SHISAL2A: variants seen among roughly 807,000 people sequenced by gnomAD.
The protein encoded by SHISAL2A is shisa like 2A, also known as protein shisa-like-2A.
In SHISAL2A, 18 loss-of-function variants were observed where a neutral mutation model predicts 11.5. The observed-to-expected ratio is 1.57, with a 90% CI of 1.08 to 2.33. The LOEUF is 2.33. SHISAL2A is among the 30% of genes most tolerant of loss of function. The pLI is 0.00. For synonymous variants in SHISAL2A, 94 were observed against 99.6 expected, an observed-to-expected ratio of 0.94 and a Z score of 0.34; for missense variants, 261 against 250.9, an observed-to-expected ratio of 1.04 and a Z score of -0.27.
At chr1:52,658,021 G>C (rs151221628), downstream of SHISAL2A, among the ~76,000 whole-genome samples, 1 of 148,920 alleles carries the variant, frequency 6.7e-6, no homozygotes, top group Non-Finnish European at 1.5e-5. Context: ...AACTCACTTC[G>C]TAAACATTAA....
At chr1:52,661,545 C>A (rs1261985503), downstream of SHISAL2A, among the ~76,000 whole-genome samples, 1 of 152,178 alleles carries the variant, frequency 6.6e-6, no homozygotes, top group Non-Finnish European at 1.5e-5. Context: ...CAGGAGAGCT[C>A]CATGCCTTGC....
At chr1:52,646,542 A>G (rs1691505896) in intron 2 of SHISAL2A, among the ~76,000 whole-genome samples, 1 of 149,074 alleles carries the variant, frequency 6.7e-6, no homozygotes, top group South Asian at 2.1e-4. Context: ...TAGTCCTCAT[A>G]TTCTCCAATT....
downstream of SHISAL2A, among the ~76,000 whole-genome samples, chr1:52,661,886 A>G (rs1426777812): frequency 6.6e-6 from 1 of 152,072 alleles, no homozygotes; most frequent in Non-Finnish European, 1.5e-5. Flanking sequence ...ACAAAAAATT[A>G]GCCAGGCATG....
chr1:52,657,215 A>G (rs1221938525), downstream of SHISAL2A: 2 of 841,778 alleles, frequency 2.4e-6, no homozygotes, highest in East Asian at 2.7e-5. Flanking sequence ...GGGCCAAAGA[A>G]CTTTGACATG....
chr1:52,655,397 A>G (rs184653450), intron 2 of SHISAL2A, among the ~76,000 whole-genome samples: 17 of 150,080 alleles, frequency 1.1e-4, no homozygotes, highest in African/African-American at 4.2e-4. Flanking sequence ...CAGGAGGATA[A>G]CTTGAGCCCA....
chr1:52,658,805 G>C (rs1057430563), downstream of SHISAL2A, among the ~76,000 whole-genome samples: 1 of 152,238 alleles, frequency 6.6e-6, no homozygotes, highest in African/African-American at 2.4e-5. Flanking sequence ...TGGAGACGCA[G>C]CTCAGCAGCC....
intron 1 of SHISAL2A, among the ~76,000 whole-genome samples, chr1:52,640,804 T>G (rs1230888001): frequency 6.6e-6 from 1 of 152,078 alleles, no homozygotes; most frequent in Non-Finnish European, 1.5e-5. Context: ...CATCTTTTGT[T>G]CTAATGAGAT....
downstream of SHISAL2A, among the ~76,000 whole-genome samples, chr1:52,657,216 C>CTT (rs1305690770): frequency 6.6e-6 from 1 of 152,166 alleles, no homozygotes; most frequent in African/African-American, 2.4e-5. Flanking sequence ...GGCCAAAGAA[C>CTT]TTTGACATGA....
chr1:52,653,174 T>C (rs1320520373), intron 2 of SHISAL2A, among the ~76,000 whole-genome samples: 1 of 150,238 alleles, frequency 6.7e-6, no homozygotes, highest in Non-Finnish European at 1.5e-5. Flanking sequence ...GTACAGGTTC[T>C]GTATGTTAAA....
intron 2 of SHISAL2A, among the ~76,000 whole-genome samples, chr1:52,652,732 C>G (rs1691696137): frequency 6.6e-6 from 1 of 151,554 alleles, no homozygotes; most frequent in African/African-American, 2.4e-5. Context: ...TTGGGAGGCC[C>G]AGGAGGGTGG....
downstream of SHISAL2A, among the ~76,000 whole-genome samples, chr1:52,661,522 G>C (rs1691907090): frequency 6.6e-6 from 1 of 152,218 alleles, no homozygotes; most frequent in Non-Finnish European, 1.5e-5. Context: ...AAGCCAGGCT[G>C]CAGGCCACAG....
chr1:52,652,700 TC>T (rs1691695315), intron 2 of SHISAL2A, among the ~76,000 whole-genome samples: 1 of 152,008 alleles, frequency 6.6e-6, no homozygotes, highest in Non-Finnish European at 1.5e-5. Context: ...GCGCAGTGGC[TC>T]ACACCTGTAA....
intron 1 of SHISAL2A, among the ~76,000 whole-genome samples, chr1:52,636,824 A>G (rs2149872694): frequency 6.6e-6 from 1 of 152,324 alleles, no homozygotes; most frequent in Admixed American, 6.5e-5. Flanking sequence ...TCTCATCTCA[A>G]GCCCTGGCTT....
intron 2 of SHISAL2A, among the ~76,000 whole-genome samples, chr1:52,648,109 TTA>T (rs1691544752): frequency 6.8e-6 from 1 of 147,946 alleles, no homozygotes; most frequent in Non-Finnish European, 1.5e-5. Flanking sequence ...TAATATATAA[TTA>T]TATATAATAT....
intron 4 of SHISAL2A, among the ~76,000 whole-genome samples, chr1:52,665,924 A>T (rs1017135699): frequency 6.6e-6 from 1 of 152,180 alleles, no homozygotes; most frequent in Admixed American, 6.5e-5. Context: ...CAGCGTGTGC[A>T]TGTGTGAGCT....
intron 1 of SHISAL2A, among the ~76,000 whole-genome samples, chr1:52,641,803 G>A (rs887179506): frequency 2.6e-4 from 39 of 151,928 alleles, no homozygotes; most frequent in African/African-American, 8.7e-4. Context: ...AAAAAGAGGC[G>A]GGGGTGAGTG....
chr1:52,651,181 G>A (rs576862337), intron 2 of SHISAL2A, among the ~76,000 whole-genome samples: 2 of 151,812 alleles, frequency 1.3e-5, no homozygotes, highest in African/African-American at 4.8e-5. Context: ...ATTTCCTGAG[G>A]GTCCCCAAAC....
intron 2 of SHISAL2A, among the ~76,000 whole-genome samples, chr1:52,646,604 C>A (rs1691507116): frequency 6.6e-6 from 1 of 151,962 alleles, no homozygotes; most frequent in Admixed American, 6.6e-5. Flanking sequence ...ACGTCAGCAT[C>A]AATACTCAAG....
chr1:52,633,446 C>T lies in SHISAL2A; in HGVS notation c.-48C>T. On this transcript the variant is annotated 5_prime_UTR_variant, in exon 1 of 3. Transcript: ENST00000517870. The surrounding 1 kb of genome is among the most constrained non-coding windows in gnomAD (Gnocchi z 6.4). Reference sequence around the variant, plus strand: ...CCCTCGCTTCCCCGCCGGGCTCTAGCCGGCCGTCTGGTGGCCCGAGGTGGC... The same window carrying T: ...CCCTCGCTTCCCCGCCGGGCTCTAGTCGGCCGTCTGGTGGCCCGAGGTGGC... 1 of 1,420,858 alleles carries T rather than the reference C, an allele frequency of 7.0e-7. No individual in the cohort carries two copies. Among genetic ancestry groups the T allele is most frequent in the Non-Finnish European group, 9.1e-7 (1 of 1,095,172 alleles). The allele number at this position is 1,420,858 out of a possible 1,614,324, so 88.0% of individuals were successfully genotyped here.
Sources: allele counts gnomAD v4.1 joint callset (sites outside exome capture counted in the v4.1 genomes callset), GRCh38; gene constraint gnomAD v4.1.1; non-coding constraint Gnocchi (gnomAD v3.1); transcripts MANE v1.5; gene names NCBI Gene and HGNC (gene_info 2026-07-23, HGNC 2026-07-21).